The following GABRR2 variants were observed in gnomAD, a reference collection of about 807,000 sequenced individuals.
GABRR2 encodes the protein gamma-aminobutyric acid receptor subunit rho-2.
In GABRR2, 36 loss-of-function variants were observed where a neutral mutation model predicts 47.0. The observed-to-expected ratio is 0.77, with a 90% CI of 0.59 to 1.01. The LOEUF is 1.01. Ranked by LOEUF, GABRR2 falls within the 50% of genes least tolerant of loss-of-function variation. The pLI is 0.00. For synonymous variants in GABRR2, 204 were observed against 227.5 expected (o/e 0.90, Z 0.93); for missense variants, 587 against 594.6 (o/e 0.99, Z 0.13).
At chr6:89,291,559 CCTT>C (rs768690065) in intron 2 of GABRR2, among the ~76,000 whole-genome samples, 2 of 151,944 alleles carry the variant, frequency 1.3e-5, no homozygotes, top group African/African-American at 2.4e-5. Flanking sequence ...CGGGGTATAC[CCTT>C]CTTCTTGCCT....
At chr6:89,300,745 C>CAA (rs56360515) in intron 1 of GABRR2, among the ~76,000 whole-genome samples, 2,905 of 75,866 alleles carry the variant, frequency 0.038, 73 homozygotes, top group Admixed American at 0.052. Context: ...GCGTACCAAC[C>CAA]AAAAAAAAAA....
chr6:89,312,438 G>T (rs1767696783), intron 1 of GABRR2, among the ~76,000 whole-genome samples: 1 of 152,220 alleles, frequency 6.6e-6, no homozygotes, highest in Admixed American at 6.5e-5. Context: ...CAGGTTCAAA[G>T]AAGTCTTCAC....
At chr6:89,310,511 T>C (rs938053845) in intron 1 of GABRR2, among the ~76,000 whole-genome samples, 6 of 152,104 alleles carry the variant, frequency 3.9e-5, no homozygotes, top group Admixed American at 3.3e-4. Flanking sequence ...CTCTCTACCC[T>C]CTCTTTGGCA....
chr6:89,312,759 A>G (rs920651832), intron 1 of GABRR2, among the ~76,000 whole-genome samples: 2 of 152,358 alleles, frequency 1.3e-5, no homozygotes, highest in Non-Finnish European at 1.5e-5. Flanking sequence ...GTGCATTCTC[A>G]TGGATGCAGA....
intron 2 of GABRR2, among the ~76,000 whole-genome samples, chr6:89,282,497 C>G (rs1774267686): frequency 6.6e-6 from 1 of 152,222 alleles, no homozygotes; most frequent in South Asian, 2.1e-4. Flanking sequence ...GTGATTTGGA[C>G]TAGAGGTTTC....
At chr6:89,276,544 C>T (rs1272155390) in intron 2 of GABRR2, among the ~76,000 whole-genome samples, 1 of 152,046 alleles carries the variant, frequency 6.6e-6, no homozygotes, top group African/African-American at 2.4e-5. Context: ...AAATCTACAT[C>T]AAATACCATC....
chr6:89,267,259 A>G (rs1773919925), intron 6 of GABRR2, among the ~76,000 whole-genome samples: 1 of 152,168 alleles, frequency 6.6e-6, no homozygotes, highest in African/African-American at 2.4e-5. Flanking sequence ...ATTCTAGGCT[A>G]CATTATTTTA....
chr6:89,303,299 G>A (rs1336624605), intron 1 of GABRR2, among the ~76,000 whole-genome samples: 1 of 152,204 alleles, frequency 6.6e-6, no homozygotes, highest in African/African-American at 2.4e-5. Context: ...TAGGCCACGT[G>A]TGTGCTGCTC....
rs1394474317 is a variant in GABRR2, at chr6:89,268,006, A to G, written c.595+8T>C. On this transcript the variant is annotated splice_region_variant and intron_variant, in intron 5 of 8. Coordinates refer to ENST00000402938, the MANE Select transcript of GABRR2 (RefSeq NM_002043.5). Reference sequence around the variant, plus strand: ...GAAAGTGAAGGAATTAGGAATGCTGATACTTACAGCTCTCCAGCTCCAAAG... The same window carrying G: ...GAAAGTGAAGGAATTAGGAATGCTGGTACTTACAGCTCTCCAGCTCCAAAG... 2 of 1,609,470 alleles carry G rather than the reference A, an allele frequency of 1.2e-6. No individual in the cohort carries two copies. The highest frequency in any genetic ancestry group is 1.7e-6 in the Non-Finnish European group (2 of 1,176,922).
intron 6 of GABRR2, 69 bp from the exon 7 acceptor site, chr6:89,265,834 C>A: frequency 6.6e-7 from 1 of 1,520,808 alleles, no homozygotes. Flanking sequence ...TCCCTGGGAA[C>A]CCGTCTTTCA....
At chr6:89,259,420 G>A (rs1358038767) in intron 8 of GABRR2, among the ~76,000 whole-genome samples, 1 of 151,846 alleles carries the variant, frequency 6.6e-6, no homozygotes, top group Non-Finnish European at 1.5e-5. Context: ...CGTGGTTTGG[G>A]GGCTATTTTT....
intron 2 of GABRR2, among the ~76,000 whole-genome samples, chr6:89,290,224 G>C (rs1025769414): frequency 6.6e-6 from 1 of 152,224 alleles, no homozygotes; most frequent in Non-Finnish European, 1.5e-5. Flanking sequence ...CAGACTCCAG[G>C]GAGTAGCAGG....
chr6:89,302,304 C>A (rs1453928820), intron 1 of GABRR2: 5 of 563,438 alleles, frequency 8.9e-6, no homozygotes, highest in South Asian at 1.4e-5. Context: ...CCCAAGGTGT[C>A]ACTGTGGTGG....
chr6:89,282,155 C>T (rs1241263181), intron 2 of GABRR2, among the ~76,000 whole-genome samples: 4 of 152,196 alleles, frequency 2.6e-5, no homozygotes, highest in Non-Finnish European at 5.9e-5. Flanking sequence ...CACATGCAAC[C>T]TCCCATGCTA....
chr6:89,312,912 G>GTC (rs1463473309), intron 1 of GABRR2, among the ~76,000 whole-genome samples: 2 of 152,166 alleles, frequency 1.3e-5, no homozygotes, highest in African/African-American at 4.8e-5. Flanking sequence ...CCCACTAAGA[G>GTC]TCAGAGCCCA....
intron 8 of GABRR2, among the ~76,000 whole-genome samples, chr6:89,261,019 G>T (rs113163681): frequency 8.3e-4 from 127 of 152,276 alleles, no homozygotes; most frequent in African/African-American, 2.9e-3. Context: ...CAGACAGAGG[G>T]GGAGACTTAG....
At chr6:89,315,015 G>C (rs747471702) in intron 1 of GABRR2, 38 bp downstream of exon 1, 2 of 1,575,366 alleles carry the variant, frequency 1.3e-6, no homozygotes, top group South Asian at 2.3e-5. Context: ...CTGCTACTAT[G>C]CAGGGTAACC....
chr6:89,259,370 T>C (rs188260721), intron 8 of GABRR2, among the ~76,000 whole-genome samples: 34 of 152,358 alleles, frequency 2.2e-4, no homozygotes, highest in Admixed American at 1.2e-3. Flanking sequence ...TATGCAGAAT[T>C]AGAATTACTT....
chr6:89,287,800 T>C (rs1468486428), intron 2 of GABRR2, among the ~76,000 whole-genome samples: 1 of 152,238 alleles, frequency 6.6e-6, no homozygotes, highest in East Asian at 1.9e-4. Flanking sequence ...CAGAACATTC[T>C]TAATAAATAA....
Sources: gnomAD v4.1 joint callset for allele counts (sites outside exome capture counted in the v4.1 genomes callset) on GRCh38, gnomAD v4.1.1 for gene constraint, MANE v1.5 for transcripts, NCBI Gene and HGNC (gene_info 2026-07-23, HGNC 2026-07-21) for gene names.